The following DPYD variants were observed in gnomAD, a reference collection of about 807,000 sequenced individuals.
DPYD encodes the protein dihydropyrimidine dehydrogenase [NADP(+)].
A neutral mutation model predicts 116.2 loss-of-function variants in DPYD; 109 were observed. The ratio of observed to expected loss-of-function variants is 0.94; its 90% CI spans 0.80 to 1.10. DPYD has a LOEUF of 1.10. DPYD is among the 50% of genes least tolerant of loss of function. The pLI is 0.00. For missense variants in DPYD, 1,302 were observed against 1,254.5 expected, an observed-to-expected ratio of 1.04 and a Z score of -0.57; for synonymous variants, 440 against 432.0, an observed-to-expected ratio of 1.02 and a Z score of -0.23.
chr1:97,883,858 T>C, intron 1 of DPYD: 2 of 466,558 alleles, frequency 4.3e-6, no homozygotes, highest in Non-Finnish European at 8.3e-6. Flanking sequence ...TACATGTAAA[T>C]CAGAAGAATG....
chr1:97,808,924 T>C (rs1668211449), intron 3 of DPYD, among the ~76,000 whole-genome samples: 1 of 152,192 alleles, frequency 6.6e-6, no homozygotes, highest in African/African-American at 2.4e-5. Flanking sequence ...AAATATTTTT[T>C]TAATTTCCCA....
chr1:97,362,878 A>C (rs1296797346), intron 16 of DPYD, among the ~76,000 whole-genome samples: 2 of 152,346 alleles, frequency 1.3e-5, no homozygotes, highest in African/African-American at 4.8e-5. Flanking sequence ...AATACCAATC[A>C]GGACACAGGC....
At chr1:97,365,874 T>A (rs1671007639) in intron 16 of DPYD, among the ~76,000 whole-genome samples, 1 of 152,094 alleles carries the variant, frequency 6.6e-6, no homozygotes, top group African/African-American at 2.4e-5. Flanking sequence ...GCTCAAGCAA[T>A]CTTCCTGCCT....
chr1:97,388,488 G>A (rs925177825), intron 14 of DPYD, among the ~76,000 whole-genome samples: 3 of 152,096 alleles, frequency 2.0e-5, no homozygotes, highest in African/African-American at 7.2e-5. Context: ...AAGAGAGTGT[G>A]ATGTCGTGCC....
At chr1:97,720,149 TTCTC>T (rs569965952) in intron 5 of DPYD, 92 of 946,394 alleles carry the variant, frequency 9.7e-5, no homozygotes, top group African/African-American at 7.2e-4. Flanking sequence ...CTCTCTCTCT[TTCTC>T]TCTCTCTCTC....
At chr1:97,605,685 A>G (rs1394088669) in intron 8 of DPYD, among the ~76,000 whole-genome samples, 2 of 152,122 alleles carry the variant, frequency 1.3e-5, no homozygotes, top group Non-Finnish European at 2.9e-5. Flanking sequence ...AGTTATTTAA[A>G]TTTTAAGTCT....
chr1:97,473,834 C>A (rs184322410), intron 13 of DPYD, among the ~76,000 whole-genome samples: 2 of 151,872 alleles, frequency 1.3e-5, no homozygotes, highest in East Asian at 3.9e-4. Flanking sequence ...TGGCAAAACC[C>A]CATCTCTACA....
chr1:97,296,472 T>C (rs925905164), intron 18 of DPYD, among the ~76,000 whole-genome samples: 24 of 152,160 alleles, frequency 1.6e-4, no homozygotes, highest in African/African-American at 5.8e-4. Flanking sequence ...AAGAATAATA[T>C]GTCTCGATAG....
At chr1:97,545,424 A>G (rs1304514556) in intron 12 of DPYD, among the ~76,000 whole-genome samples, 2 of 152,210 alleles carry the variant, frequency 1.3e-5, no homozygotes, top group African/African-American at 2.4e-5. Context: ...GTAATTTATG[A>G]GGACCACTAA....
At chr1:97,231,495 G>C (rs189446654) in intron 19 of DPYD, among the ~76,000 whole-genome samples, 12 of 152,276 alleles carry the variant, frequency 7.9e-5, no homozygotes, top group African/African-American at 2.4e-4. Flanking sequence ...GCAGGCAAGA[G>C]AGCATGTGCA....
chr1:97,607,822 A>G (rs1655696170), intron 8 of DPYD, among the ~76,000 whole-genome samples: 1 of 151,974 alleles, frequency 6.6e-6, no homozygotes, highest in Non-Finnish European at 1.5e-5. Flanking sequence ...TGTACACTGT[A>G]AAGCACAAAC....
intron 19 of DPYD, among the ~76,000 whole-genome samples, chr1:97,206,638 T>TTATATATATGTG (rs1553233563): frequency 2.2e-4 from 11 of 48,998 alleles, no homozygotes; most frequent in African/African-American, 4.7e-4. Context: ...CAGGGAGATT[T>TTATATATATGTG]TATATATATA....
chr1:97,654,380 C>T (rs1169957037), intron 8 of DPYD, among the ~76,000 whole-genome samples: 2 of 152,022 alleles, frequency 1.3e-5, no homozygotes, highest in Non-Finnish European at 2.9e-5. Context: ...AATTCTATGA[C>T]ATCAGCCAAT....
In DPYD at chr1:97,306,307, T is replaced by C. The variant is rs779854522; in HGVS notation, c.2059-10A>G. ...GCACCAGCTCTGGATCCTGTTCAAATAGGTCGGTTAAATATAGAACAAAAT... is the reference window on the plus strand; with the variant it reads ...GCACCAGCTCTGGATCCTGTTCAAACAGGTCGGTTAAATATAGAACAAAAT... On this transcript the variant is annotated splice_polypyrimidine_tract_variant and intron_variant, in intron 16 of 22. Transcript: ENST00000370192. 6.8e-6 allele frequency: 11 copies of C among 1,611,852 alleles called. No homozygotes were observed. Among genetic ancestry groups the C allele is most frequent in the South Asian group, 2.2e-5 (2 of 91,068 alleles).
chr1:97,660,496 T>C (rs1026885327), intron 8 of DPYD, among the ~76,000 whole-genome samples: 11 of 152,164 alleles, frequency 7.2e-5, no homozygotes, highest in African/African-American at 2.7e-4. Flanking sequence ...CCATCATAAA[T>C]GTAAAATTAA....
chr1:97,331,340 T>C (rs1281817032), intron 16 of DPYD, among the ~76,000 whole-genome samples: 1 of 151,960 alleles, frequency 6.6e-6, no homozygotes, highest in Non-Finnish European at 1.5e-5. Context: ...TAGTCAGGCG[T>C]GGTGGTGTGT....
chr1:97,385,535 A>C (rs1188797102), intron 14 of DPYD, among the ~76,000 whole-genome samples: 1 of 149,244 alleles, frequency 6.7e-6, no homozygotes, highest in East Asian at 2.0e-4. Flanking sequence ...TAAAAAAAAA[A>C]AAACAAAATA....
At chr1:97,091,582 T>A (rs1256547956) in intron 21 of DPYD, among the ~76,000 whole-genome samples, 1 of 151,964 alleles carries the variant, frequency 6.6e-6, no homozygotes, top group Non-Finnish European at 1.5e-5. Flanking sequence ...GACTGAAAAA[T>A]CACACAGCCA....
At chr1:97,529,947 TTTTCTTTCCTTC>T (rs1394332239) in intron 12 of DPYD, among the ~76,000 whole-genome samples, 4 of 151,198 alleles carry the variant, frequency 2.6e-5, no homozygotes, top group African/African-American at 9.7e-5. Flanking sequence ...TTTACTTTTC[TTTTCTTTCCTTC>T]TTTCTTTCCA....
Sources: allele counts gnomAD v4.1 joint callset (sites outside exome capture counted in the v4.1 genomes callset), GRCh38; gene constraint gnomAD v4.1.1; transcripts MANE v1.5; gene names NCBI Gene and HGNC (gene_info 2026-07-23, HGNC 2026-07-21).